PALM2AKAP2: variants seen among roughly 807,000 people sequenced by gnomAD.
The protein encoded by PALM2AKAP2 is PALM2 and AKAP2 fusion.
Under a neutral mutation model 71.5 loss-of-function variants are expected in PALM2AKAP2, and 37 were observed. The observed-to-expected ratio is 0.52, with a 90% CI of 0.40 to 0.68. The LOEUF is 0.68. Ranked by LOEUF, PALM2AKAP2 falls within the 30% of genes least tolerant of loss-of-function variation. PALM2AKAP2 has a pLI of 0.00. For synonymous variants in PALM2AKAP2, 468 were observed against 478.8 expected (o/e 0.98, Z 0.29); for missense variants, 1,224 against 1,191.8 (o/e 1.03, Z -0.40).
At chr9:110,171,054 C>G (rs1482240164) in exon 4 of PALM2AKAP2, 1 of 152,210 alleles carries the variant, frequency 6.6e-6, no homozygotes, top group Admixed American at 6.5e-5. Context: ...AGACTAACTT[C>G]CCCATTTTTC....
intron 1 of PALM2AKAP2, among the ~76,000 whole-genome samples, chr9:110,070,707 T>C (rs1381183926): frequency 6.6e-6 from 1 of 152,182 alleles, no homozygotes; most frequent in Non-Finnish European, 1.5e-5. Context: ...TGCTGTACCA[T>C]AGAGAGAGGA....
At chr9:110,006,324 C>CTCTTTCTTTCTTTCTTTCTTCCTT (rs1554736920) in intron 6 of PALM2AKAP2, among the ~76,000 whole-genome samples, 1 of 102,102 alleles carries the variant, frequency 9.8e-6, no homozygotes, top group African/African-American at 3.9e-5. Context: ...TTCCTTCCTT[C>CTCTTTCTTTCTTTCTTTCTTCCTT]TCTTTCTTTC....
chr9:109,825,810 T>A (rs566960496), intron 1 of PALM2AKAP2, among the ~76,000 whole-genome samples: 43 of 152,202 alleles, frequency 2.8e-4, no homozygotes, highest in Non-Finnish European at 4.4e-4. Flanking sequence ...GTGTGGCGAT[T>A]CCTCAGGGAT....
At chr9:109,988,490 G>A (rs1832417822) in intron 6 of PALM2AKAP2, among the ~76,000 whole-genome samples, 1 of 151,570 alleles carries the variant, frequency 6.6e-6, no homozygotes. Flanking sequence ...TTAAAAGTAG[G>A]GGAAAATAAA....
At chr9:110,145,067 C>G (rs1306209287) in intron 2 of PALM2AKAP2, among the ~76,000 whole-genome samples, 3 of 152,164 alleles carry the variant, frequency 2.0e-5, no homozygotes, top group Non-Finnish European at 4.4e-5. Context: ...TCCCTCTACC[C>G]TTTCCCAATC....
intron 1 of PALM2AKAP2, among the ~76,000 whole-genome samples, chr9:110,073,032 C>T (rs1834238463): frequency 6.6e-6 from 1 of 152,188 alleles, no homozygotes; most frequent in Non-Finnish European, 1.5e-5. Flanking sequence ...CAACACCAAG[C>T]CCAAACTGTT....
At chr9:109,864,160 A>G (rs1393812137) in intron 1 of PALM2AKAP2, among the ~76,000 whole-genome samples, 2 of 152,244 alleles carry the variant, frequency 1.3e-5, no homozygotes, top group African/African-American at 2.4e-5. Flanking sequence ...GGCCAGGCCC[A>G]GGGTCATCAG....
Position 110,089,244 on chromosome 9 carries a change from C to T in PALM2AKAP2, c.156+40389C>T, listed in dbSNP as rs540165581. On this transcript the variant is annotated intron_variant, in intron 1 of 3. Coordinates refer to ENST00000374525, the Ensembl canonical transcript of PALM2AKAP2. ...ACATGTATGCATTTCAAAGAACTGC[C>T]TCCTTTAATTTCACTTGTTGAAAAT... 2.0e-5 allele frequency among the ~76,000 whole-genome samples: 3 copies of T among 152,284 alleles called. No homozygotes were observed. In the South Asian group the frequency reaches 6.2e-4, roughly 32 times the overall value.
chr9:109,837,128 A>G (rs1321708645), intron 1 of PALM2AKAP2, among the ~76,000 whole-genome samples: 1 of 152,156 alleles, frequency 6.6e-6, no homozygotes. Flanking sequence ...GCAGCCAGAG[A>G]AAAGGTCAGG....
rs187223756 is a variant in PALM2AKAP2, at chr9:110,049,841, G to A, written c.156+986G>A. 1.1e-4 allele frequency among the ~76,000 whole-genome samples: 16 copies of A among 152,376 alleles called. No homozygotes were observed. The East Asian group carries it at 3.1e-3, about 29-fold the overall frequency. ...CGCTGGTGGCCGGGTGAGGACTGAA[G>A]GCAAAGGGCGAGGCGGCGTGCAGCC... On this transcript the variant is annotated intron_variant, in intron 1 of 3. Coordinates refer to ENST00000374525, the Ensembl canonical transcript of PALM2AKAP2.
intron 3 of PALM2AKAP2, among the ~76,000 whole-genome samples, chr9:109,904,235 A>G (rs936426946): frequency 6.6e-6 from 1 of 152,248 alleles, no homozygotes; most frequent in African/African-American, 2.4e-5. Context: ...ACCATTTTAT[A>G]GATTGAGGAG....
At chr9:109,774,803 C>G (rs917290460) in intron 1 of PALM2AKAP2, among the ~76,000 whole-genome samples, 2 of 152,198 alleles carry the variant, frequency 1.3e-5, no homozygotes, top group African/African-American at 2.4e-5. Flanking sequence ...TGGCCAATCA[C>G]AAGCCTTTTA....
intron 2 of PALM2AKAP2, among the ~76,000 whole-genome samples, chr9:109,879,845 GCACCACCA>G: frequency 6.6e-6 from 1 of 151,966 alleles, no homozygotes; most frequent in Non-Finnish European, 1.5e-5. Context: ...CTACAGGCGT[GCACCACCA>G]CACCCAGCTA....
chr9:109,672,751 G>A (rs1169193930), intron 1 of PALM2AKAP2, among the ~76,000 whole-genome samples: 1 of 152,018 alleles, frequency 6.6e-6, no homozygotes, highest in Non-Finnish European at 1.5e-5. Flanking sequence ...TTTTTGGTTG[G>A]TAGGCTGTTT....
chr9:110,014,822 A>G (rs1294586913), intron 6 of PALM2AKAP2, among the ~76,000 whole-genome samples: 4,958 of 86,192 alleles, frequency 0.058, 502 homozygotes, highest in African/African-American at 0.085. Context: ...ATATATATAT[A>G]TATATATATA....
At chr9:109,879,786 T>C (rs1477567689) in intron 2 of PALM2AKAP2, among the ~76,000 whole-genome samples, 1 of 150,892 alleles carries the variant, frequency 6.6e-6, no homozygotes, top group Non-Finnish European at 1.5e-5. Flanking sequence ...AGCCTTGACC[T>C]ACCTGGCTCA....
intron 5 of PALM2AKAP2, among the ~76,000 whole-genome samples, chr9:109,926,087 G>T (rs2131968845): frequency 6.6e-6 from 1 of 152,140 alleles, no homozygotes; most frequent in East Asian, 1.9e-4. Flanking sequence ...AACAAAAAAG[G>T]TCAACCTCTA....
chr9:110,056,968 G>A (rs558384121), intron 1 of PALM2AKAP2, among the ~76,000 whole-genome samples: 15 of 152,284 alleles, frequency 9.9e-5, no homozygotes, highest in Admixed American at 3.9e-4. Flanking sequence ...AGAAGAGATC[G>A]TTCCCTTTCC....
intron 3 of PALM2AKAP2, among the ~76,000 whole-genome samples, chr9:109,899,881 C>G (rs979431007): frequency 6.6e-6 from 1 of 152,190 alleles, no homozygotes; most frequent in Non-Finnish European, 1.5e-5. Flanking sequence ...TTCCTGTGGG[C>G]ATATTTACCT....
Sources: gnomAD v4.1 joint callset for allele counts (sites outside exome capture counted in the v4.1 genomes callset) on GRCh38, gnomAD v4.1.1 for gene constraint, MANE v1.5 for transcripts, NCBI Gene and HGNC (gene_info 2026-07-23, HGNC 2026-07-21) for gene names.